Variants in METTL15 observed in about 807,000 individuals in gnomAD.
METTL15 encodes the protein methyltransferase 15, mitochondrial 12S rRNA N4-cytidine.
METTL15 carries 34 observed loss-of-function variants against 38.3 expected under a neutral mutation model. The ratio of observed to expected loss-of-function variants is 0.89; its 90% CI spans 0.68 to 1.18. The LOEUF is 1.18. Among genes scored for constraint, METTL15 ranks in the 50% most tolerant of loss-of-function variants. The pLI is 0.00. For synonymous variants in METTL15, 162 were observed against 170.9 expected (o/e 0.95, Z 0.41); for missense variants, 438 against 498.4 (o/e 0.88, Z 1.15).
intron 5 of METTL15, among the ~76,000 whole-genome samples, chr11:28,392,451 T>C (rs909264972): frequency 6.6e-6 from 1 of 152,054 alleles, no homozygotes; most frequent in Non-Finnish European, 1.5e-5. Context: ...GGTCAAATGA[T>C]CTTAAACAAG....
At chr11:28,147,761 C>T (rs1187492925) in intron 3 of METTL15, among the ~76,000 whole-genome samples, 1 of 151,808 alleles carries the variant, frequency 6.6e-6, no homozygotes, top group Non-Finnish European at 1.5e-5. Context: ...TGCCTACTAG[C>T]ATATAAAAAT....
At chr11:28,388,940 T>C (rs1433594749) in intron 5 of METTL15, among the ~76,000 whole-genome samples, 2 of 152,102 alleles carry the variant, frequency 1.3e-5, no homozygotes, top group Admixed American at 6.6e-5. Flanking sequence ...TGTTCGGTTT[T>C]TTGTCCTTGT....
chr11:28,446,545 A>G (rs1361310310), intron 6 of METTL15, among the ~76,000 whole-genome samples: 1 of 151,958 alleles, frequency 6.6e-6, no homozygotes, highest in Non-Finnish European at 1.5e-5. Flanking sequence ...TAGGCTAAAG[A>G]AAAAAAACCT....
At chr11:28,241,465 C>T (rs1025610965) in intron 4 of METTL15, among the ~76,000 whole-genome samples, 17 of 150,502 alleles carry the variant, frequency 1.1e-4, no homozygotes, top group African/African-American at 2.5e-4. Context: ...ACCCGGGAGG[C>T]GGAGCTTGCA....
At position 28,330,728 on chromosome 11, in the gene METTL15, G is replaced by C; in HGVS notation, c.1111G>C (p.Ala371Pro). Residue 371 changes from alanine to proline, a missense_variant, in exon 7 of 7, where the codon GCT (alanine) becomes CCT (proline). Ala to Pro is a conservative substitution (Grantham distance 27). Coordinates refer to ENST00000407364, the MANE Select transcript of METTL15 (RefSeq NM_001113528.2). ...ENTEEVSMRR[A>P]PLMWELIHKK... ...CACGGAAGAAGTCTCTATGAGAAGA[G>C]CTCCTTTAATGTGGGAATTGATACA... 3 of 1,551,586 alleles carry C rather than the reference G, an allele frequency of 1.9e-6. No individual in the cohort carries two copies. Among genetic ancestry groups the C allele is most frequent in the Middle Eastern group, 1.7e-4 (1 of 5,988 alleles).
chr11:28,310,525 A>G (rs1268272535), intron 6 of METTL15, among the ~76,000 whole-genome samples: 1 of 152,062 alleles, frequency 6.6e-6, no homozygotes, highest in Non-Finnish European at 1.5e-5. Context: ...TTAGAATCTT[A>G]ATGAATGGGC....
intron 4 of METTL15, among the ~76,000 whole-genome samples, chr11:28,240,653 C>G (rs1854253375): frequency 1.3e-5 from 2 of 152,062 alleles, no homozygotes; most frequent in Admixed American, 1.3e-4. Flanking sequence ...TAAAATATGC[C>G]TAATCTTTTA....
intron 5 of METTL15, among the ~76,000 whole-genome samples, chr11:28,370,082 A>T (rs2133374461): frequency 6.6e-6 from 1 of 152,180 alleles, no homozygotes; most frequent in Admixed American, 6.5e-5. Context: ...CACCTGAATT[A>T]TTTTCTTCAA....
At chr11:28,249,766 T>C (rs1054237103) in intron 4 of METTL15, among the ~76,000 whole-genome samples, 3 of 151,842 alleles carry the variant, frequency 2.0e-5, no homozygotes, top group Non-Finnish European at 4.4e-5. Context: ...CACATGCAGG[T>C]TTGTTATATA....
intron 6 of METTL15, among the ~76,000 whole-genome samples, chr11:28,468,446 G>T (rs983359831): frequency 6.6e-6 from 1 of 152,052 alleles, no homozygotes. Context: ...AGCATGTCAG[G>T]CTACCTAATT....
At chr11:28,470,780 T>C (rs1015310085) in intron 6 of METTL15, among the ~76,000 whole-genome samples, 3 of 152,144 alleles carry the variant, frequency 2.0e-5, no homozygotes, top group African/African-American at 7.2e-5. Flanking sequence ...AATTTCCTTT[T>C]TGTTACTTGA....
chr11:28,109,404 C>T (rs1851621237), intron 1 of METTL15, among the ~76,000 whole-genome samples: 1 of 152,102 alleles, frequency 6.6e-6, no homozygotes, highest in Non-Finnish European at 1.5e-5. Context: ...GTTTTGACTT[C>T]CCAGGTATTT....
intron 3 of METTL15, among the ~76,000 whole-genome samples, chr11:28,182,863 C>T (rs751809111): frequency 7.9e-5 from 12 of 152,000 alleles, no homozygotes; most frequent in South Asian, 4.2e-4. Context: ...GCCATTTTTA[C>T]GATATTGATT....
intron 3 of METTL15, among the ~76,000 whole-genome samples, chr11:28,169,374 C>T (rs1177962773): frequency 1.3e-5 from 2 of 152,030 alleles, no homozygotes; most frequent in African/African-American, 4.8e-5. Flanking sequence ...AGATTTAAAA[C>T]TGATATTATG....
chr11:28,490,078 A>G (rs1259792997), intron 6 of METTL15, among the ~76,000 whole-genome samples: 3 of 152,140 alleles, frequency 2.0e-5, no homozygotes, highest in African/African-American at 7.2e-5. Flanking sequence ...GGAAGTTACA[A>G]TGGATAAGGA....
At chr11:28,517,576 C>G (rs1730433238) in intron 6 of METTL15, among the ~76,000 whole-genome samples, 1 of 152,174 alleles carries the variant, frequency 6.6e-6, no homozygotes, top group African/African-American at 2.4e-5. Flanking sequence ...TTTCTGGATG[C>G]TGAAACACAT....
intron 5 of METTL15, among the ~76,000 whole-genome samples, chr11:28,405,401 TG>T (rs1009065123): frequency 1.3e-5 from 2 of 152,170 alleles, no homozygotes; most frequent in African/African-American, 4.8e-5. Context: ...TATTTTGACC[TG>T]GTTTTCCCAT....
At chr11:28,303,236 T>G (rs1476437117) in intron 6 of METTL15, among the ~76,000 whole-genome samples, 3 of 152,208 alleles carry the variant, frequency 2.0e-5, no homozygotes, top group Non-Finnish European at 2.9e-5. Flanking sequence ...TTCAACTTGC[T>G]GTTTGTGTAA....
At chr11:28,392,055 A>T (rs1278376365) in intron 5 of METTL15, among the ~76,000 whole-genome samples, 1 of 152,172 alleles carries the variant, frequency 6.6e-6, no homozygotes, top group Non-Finnish European at 1.5e-5. Flanking sequence ...AAATTTTTGC[A>T]ATCTACTCTT....
Sources: allele counts gnomAD v4.1 joint callset (sites outside exome capture counted in the v4.1 genomes callset), GRCh38; gene constraint gnomAD v4.1.1; transcripts MANE v1.5; gene names NCBI Gene and HGNC (gene_info 2026-07-23, HGNC 2026-07-21).